NUP93: variants seen among roughly 807,000 people sequenced by gnomAD.
NUP93 encodes the protein nucleoporin 93.
Under a neutral mutation model 107.8 loss-of-function variants are expected in NUP93, and 55 were observed. That is an observed-to-expected ratio of 0.51 (90% CI 0.41 to 0.64). The LOEUF (loss-of-function observed/expected upper bound fraction) is 0.64, where lower values mean the gene tolerates loss of function less well. Ranked by LOEUF, NUP93 falls within the 30% of genes least tolerant of loss-of-function variation. The pLI is 0.00. For missense variants in NUP93, 937 were observed against 1,044.7 expected, an observed-to-expected ratio of 0.90 and a Z score of 1.42; for synonymous variants, 390 against 397.5, an observed-to-expected ratio of 0.98 and a Z score of 0.22.
Position 56,833,400 on chromosome 16 carries a change from C to G in NUP93, c.1531C>G (p.Gln511Glu). The G allele has an allele frequency of 6.5e-7, 1 of 1,530,380 alleles. No individual in the cohort carries two copies. Among genetic ancestry groups the G allele is most frequent in the Non-Finnish European group, 8.7e-7 (1 of 1,146,170 alleles). The allele number at this position is 1,530,380 out of a possible 1,614,324, so 94.8% of individuals were successfully genotyped here. A position where few individuals can be genotyped will look rare whatever the true frequency, so the allele number is the denominator to read the frequency against. ...LLLKSSGQSA[Q>E]LLSHEPGDPP... ...TTTAAAGTCCTCTGGACAGAGTGCTCAGCTCCGTGAGTATTTGGGATTGGA... is the reference window on the plus strand; with the variant it reads ...TTTAAAGTCCTCTGGACAGAGTGCTGAGCTCCGTGAGTATTTGGGATTGGA... The change falls in exon 13 of 22, where the codon CAG (glutamine) becomes GAG (glutamate). Residue 511 changes from glutamine (Q) to glutamate (E), a missense_variant. Transcript: ENST00000308159.
intron 3 of NUP93, among the ~76,000 whole-genome samples, chr16:56,779,959 T>C (rs1040510508): frequency 1.6e-4 from 25 of 152,184 alleles, no homozygotes; most frequent in African/African-American, 5.6e-4. Flanking sequence ...CAGGCAGAGA[T>C]TCCTATTGCT....
intron 6 of NUP93, 146 bp downstream of exon 6, chr16:56,818,884 G>A (rs1963489068): frequency 1.6e-6 from 1 of 633,760 alleles, no homozygotes; most frequent in Admixed American, 3.0e-5. Flanking sequence ...TTTAGCATAG[G>A]CCACTGGAGA....
chr16:56,744,671 A>G (rs914633628), intron 1 of NUP93, among the ~76,000 whole-genome samples: 21 of 152,046 alleles, frequency 1.4e-4, no homozygotes, highest in African/African-American at 5.1e-4. Flanking sequence ...TTCTTTCTAT[A>G]TATATCTGTT....
intron 3 of NUP93, chr16:56,781,836 C>T (rs1051513690): frequency 4.1e-6 from 4 of 984,790 alleles, no homozygotes; most frequent in Non-Finnish European, 4.8e-6. Context: ...ACTGTTACTC[C>T]CATCAGTTTG....
At position 56,833,339 on chromosome 16, in the gene NUP93, C is replaced by G; in HGVS notation, c.1470C>G (p.Val490=). 6.3e-7 allele frequency: 1 copy of G among 1,599,870 alleles called. No homozygotes were observed. The highest frequency in any genetic ancestry group is 1.1e-5 in the South Asian group (1 of 88,352). ...FRMERLRCHA[V]HVALVLFELK... is the part of the protein sequence containing the mutation. ...TGGAGCGGCTGCGCTGCCATGCTGTCCATGTAGCACTGGTGCTGTTTGAGC... is the reference window on the plus strand; with the variant it reads ...TGGAGCGGCTGCGCTGCCATGCTGTGCATGTAGCACTGGTGCTGTTTGAGC... Residue 490 remains valine (V), a synonymous_variant, in exon 13 of 22, where the codon GTC becomes GTG. Coordinates refer to ENST00000308159, the MANE Select transcript of NUP93 (RefSeq NM_014669.5).
At chr16:56,818,863 C>G (rs1184114886) in intron 6 of NUP93, 125 bp downstream of exon 6, 2 of 732,670 alleles carry the variant, frequency 2.7e-6, no homozygotes, top group Admixed American at 2.7e-5. Flanking sequence ...ATTTAGAGAA[C>G]TAGTTAATAT....
chr16:56,822,776 A>T (rs1410965882), intron 7 of NUP93, among the ~76,000 whole-genome samples: 1 of 151,884 alleles, frequency 6.6e-6, no homozygotes, highest in Non-Finnish European at 1.5e-5. Context: ...GTTGGCCAGG[A>T]TGGTCTCAAG....
chr16:56,764,679 A>G (rs1268297572), intron 3 of NUP93, among the ~76,000 whole-genome samples: 3 of 152,208 alleles, frequency 2.0e-5, no homozygotes, highest in African/African-American at 7.2e-5. Context: ...GGTTGGGAAC[A>G]GGTTGCGGAA....
intron 1 of NUP93, among the ~76,000 whole-genome samples, chr16:56,735,156 C>A (rs577424953): frequency 6.6e-6 from 1 of 152,196 alleles, no homozygotes; most frequent in East Asian, 1.9e-4. Context: ...TTGAGGAAGA[C>A]CATTTGGTAG....
chr16:56,785,603 C>T (rs528091897), intron 3 of NUP93, among the ~76,000 whole-genome samples: 7 of 152,244 alleles, frequency 4.6e-5, no homozygotes, highest in Admixed American at 3.9e-4. Context: ...TCAGCCAGCT[C>T]GCTAGGAAAC....
intron 3 of NUP93, among the ~76,000 whole-genome samples, chr16:56,772,264 C>T (rs1027016587): frequency 4.6e-5 from 7 of 152,206 alleles, no homozygotes; most frequent in Middle Eastern, 6.8e-3. Flanking sequence ...TGTGAAAACA[C>T]GGCTGTTAGA....
At chr16:56,786,043 A>G (rs1482348659) in intron 3 of NUP93, among the ~76,000 whole-genome samples, 1 of 152,098 alleles carries the variant, frequency 6.6e-6, no homozygotes, top group Non-Finnish European at 1.5e-5. Context: ...CTACGAAACT[A>G]TGTTATTTGT....
At chr16:56,806,313 C>T (rs1431491793) in intron 5 of NUP93, among the ~76,000 whole-genome samples, 1 of 151,812 alleles carries the variant, frequency 6.6e-6, no homozygotes, top group East Asian at 1.9e-4. Flanking sequence ...TAAAATATAC[C>T]CAGAATCCAA....
intron 3 of NUP93, among the ~76,000 whole-genome samples, chr16:56,767,221 G>C (rs1485987612): frequency 6.6e-6 from 1 of 152,218 alleles, no homozygotes; most frequent in South Asian, 2.1e-4. Flanking sequence ...CTGTGGAGTG[G>C]CTGTGAGGCT....
chr16:56,808,490 G>C (rs62651201), intron 5 of NUP93, among the ~76,000 whole-genome samples: 2 of 99,300 alleles, frequency 2.0e-5, no homozygotes, highest in Non-Finnish European at 1.9e-5. Context: ...ATATAGTTAT[G>C]TAACTATATA....
chr16:56,840,492 T>C (rs1341672547), intron 20 of NUP93, among the ~76,000 whole-genome samples: 1 of 152,194 alleles, frequency 6.6e-6, no homozygotes, highest in African/African-American at 2.4e-5. Flanking sequence ...CCCTCATGCC[T>C]ACACCCCAGA....
intron 8 of NUP93, among the ~76,000 whole-genome samples, chr16:56,827,044 C>CAAAAACAAAAAAAAAAA (rs1963677796): frequency 1.9e-5 from 1 of 53,588 alleles, no homozygotes; most frequent in African/African-American, 7.0e-5. Flanking sequence ...GACTCCGTCT[C>CAAAAACAAAAAAAAAAA]AAAAAAAAAA....
chr16:56,734,881 C>T (rs180685472), intron 1 of NUP93, among the ~76,000 whole-genome samples: 4 of 152,298 alleles, frequency 2.6e-5, no homozygotes, highest in Admixed American at 1.3e-4. Flanking sequence ...CGGCCTTCCT[C>T]CCCCTAACCC....
intron 3 of NUP93, among the ~76,000 whole-genome samples, chr16:56,786,431 C>G (rs1940431928): frequency 6.6e-6 from 1 of 152,238 alleles, no homozygotes; most frequent in Admixed American, 6.5e-5. Flanking sequence ...CTGCATCTGA[C>G]TCCATTTCTT....
Sources: gnomAD v4.1 joint callset for allele counts (sites outside exome capture counted in the v4.1 genomes callset) on GRCh38, gnomAD v4.1.1 for gene constraint, MANE v1.5 for transcripts, NCBI Gene and HGNC (gene_info 2026-07-23, HGNC 2026-07-21) for gene names.